PRKCA: variants seen among roughly 807,000 people sequenced by gnomAD.
The protein encoded by PRKCA is protein kinase C alpha type.
In PRKCA, 27 loss-of-function variants were observed where a neutral mutation model predicts 87.0. The ratio of observed to expected loss-of-function variants is 0.31; its 90% CI spans 0.23 to 0.43. PRKCA has a LOEUF of 0.43. PRKCA is among the 20% of genes least tolerant of loss of function. The pLI, the probability that PRKCA is intolerant of heterozygous loss-of-function variation, is 1.00. For missense variants in PRKCA, 518 were observed against 852.3 expected (o/e 0.61, Z 4.88); for synonymous variants, 329 against 311.1 (o/e 1.06, Z -0.61).
intron 2 of PRKCA, among the ~76,000 whole-genome samples, chr17:66,467,933 A>G (rs1177105010): frequency 6.6e-6 from 1 of 151,788 alleles, no homozygotes; most frequent in East Asian, 1.9e-4. Context: ...TCCCAGGAGC[A>G]TTTATATGAC....
chr17:66,357,805 G>C (rs991419041), intron 2 of PRKCA, among the ~76,000 whole-genome samples: 7 of 152,160 alleles, frequency 4.6e-5, no homozygotes, highest in Non-Finnish European at 7.4e-5. Flanking sequence ...AAGTCCCACT[G>C]AATGCCGTGT....
At chr17:66,721,565 CT>C (rs1973618441) in intron 8 of PRKCA, among the ~76,000 whole-genome samples, 1 of 151,974 alleles carries the variant, frequency 6.6e-6, no homozygotes, top group African/African-American at 2.4e-5. Context: ...GGGTCCTTCC[CT>C]TTTTAGACCA....
intron 3 of PRKCA, among the ~76,000 whole-genome samples, chr17:66,543,954 G>A (rs9907773): frequency 0.2 from 29,910 of 152,150 alleles, 3,347 homozygotes; most frequent in African/African-American, 0.3. Context: ...GCTCACGCCT[G>A]TAATCCCAGC....
At chr17:66,339,111 C>T (rs780246175) in intron 2 of PRKCA, among the ~76,000 whole-genome samples, 17 of 152,060 alleles carry the variant, frequency 1.1e-4, no homozygotes, top group Non-Finnish European at 1.8e-4. Flanking sequence ...ATGTGATTGA[C>T]GGTGCTTGAA....
At chr17:66,681,197 C>G (rs955329020) in intron 5 of PRKCA, among the ~76,000 whole-genome samples, 1 of 152,150 alleles carries the variant, frequency 6.6e-6, no homozygotes, top group Non-Finnish European at 1.5e-5. Flanking sequence ...CCACTGCACT[C>G]CAGCCTGGGT....
chr17:66,342,441 AAATAATAATAAT>A (rs199510095), intron 2 of PRKCA, among the ~76,000 whole-genome samples: 7,217 of 142,908 alleles, frequency 0.051, 250 homozygotes, highest in African/African-American at 0.075. Context: ...AAAATAAAAT[AAATAATAATAAT>A]AATAATAATA....
chr17:66,645,944 G>A (rs976540867), intron 5 of PRKCA, among the ~76,000 whole-genome samples: 4 of 152,334 alleles, frequency 2.6e-5, no homozygotes, highest in East Asian at 1.9e-4. Context: ...CCACCTCAGC[G>A]ATAGCAACAG....
At chr17:66,802,865 T>G (rs575132705) in intron 16 of PRKCA, among the ~76,000 whole-genome samples, 2 of 152,318 alleles carry the variant, frequency 1.3e-5, no homozygotes, top group South Asian at 2.1e-4. Flanking sequence ...ATTGGCCCTG[T>G]GGTGCTAGCA....
At chr17:66,558,955 A>G (rs1968594127) in intron 3 of PRKCA, among the ~76,000 whole-genome samples, 2 of 152,130 alleles carry the variant, frequency 1.3e-5, no homozygotes, top group Admixed American at 1.3e-4. Flanking sequence ...CGGATGGTCT[A>G]ATGCAGGCAA....
chr17:66,494,227 A>G (rs1916368220), intron 2 of PRKCA, among the ~76,000 whole-genome samples: 1 of 152,232 alleles, frequency 6.6e-6, no homozygotes, highest in Non-Finnish European at 1.5e-5. Flanking sequence ...TATGAGCCAC[A>G]CATTTGGGAA....
At chr17:66,686,735 C>T (rs61762409) in intron 5 of PRKCA, among the ~76,000 whole-genome samples, 156 of 152,250 alleles carry the variant, frequency 1.0e-3, no homozygotes, top group African/African-American at 3.7e-3. Flanking sequence ...AGGGAGGGTG[C>T]ACCATTACTC....
intron 2 of PRKCA, among the ~76,000 whole-genome samples, chr17:66,456,529 G>A (rs755608099): frequency 7.9e-5 from 12 of 152,156 alleles, no homozygotes; most frequent in Non-Finnish European, 1.3e-4. Flanking sequence ...GTTCTCAGCC[G>A]TGGGTTTGGG....
intron 3 of PRKCA, among the ~76,000 whole-genome samples, chr17:66,576,202 A>G (rs1969232990): frequency 6.6e-6 from 1 of 152,232 alleles, no homozygotes; most frequent in Non-Finnish European, 1.5e-5. Flanking sequence ...GAAGACTGTC[A>G]CAGTTGGTTA....
intron 8 of PRKCA, among the ~76,000 whole-genome samples, chr17:66,718,392 A>G (rs1973529916): frequency 6.6e-6 from 1 of 152,210 alleles, no homozygotes; most frequent in Non-Finnish European, 1.5e-5. Context: ...TGTTCACTGC[A>G]TCCTCGAATT....
chr17:66,440,906 T>C (rs1913703245), intron 2 of PRKCA, among the ~76,000 whole-genome samples: 1 of 152,004 alleles, frequency 6.6e-6, no homozygotes, highest in Non-Finnish European at 1.5e-5. Flanking sequence ...CTCATGCCTG[T>C]AATCCCAGCA....
intron 3 of PRKCA, among the ~76,000 whole-genome samples, chr17:66,629,048 T>G (rs1368740931): frequency 3.3e-5 from 5 of 151,650 alleles, no homozygotes; most frequent in African/African-American, 1.2e-4. Context: ...AAAAAGAAAA[T>G]AAAATTTATC....
chr17:66,632,406 G>T (rs1227505328), intron 3 of PRKCA, among the ~76,000 whole-genome samples: 2 of 152,048 alleles, frequency 1.3e-5, no homozygotes, highest in East Asian at 3.9e-4. Flanking sequence ...TTGAGACGGG[G>T]TCTTGCTCTG....
chr17:66,303,755 C>G (rs1904647190), intron 1 of PRKCA, among the ~76,000 whole-genome samples: 1 of 152,122 alleles, frequency 6.6e-6, no homozygotes, highest in Non-Finnish European at 1.5e-5. Context: ...GTAATCCCAG[C>G]ACTTTGGGAG....
At chr17:66,489,745 T>G (rs1916153359) in intron 2 of PRKCA, among the ~76,000 whole-genome samples, 1 of 151,902 alleles carries the variant, frequency 6.6e-6, no homozygotes, top group Non-Finnish European at 1.5e-5. Context: ...TTCTTTTCCT[T>G]CCTTCCTTTC....
Sources: gnomAD v4.1 joint callset for allele counts (sites outside exome capture counted in the v4.1 genomes callset) on GRCh38, gnomAD v4.1.1 for gene constraint, MANE v1.5 for transcripts, NCBI Gene and HGNC (gene_info 2026-07-23, HGNC 2026-07-21) for gene names.